Variants in CGN observed in about 807,000 individuals in gnomAD.
CGN encodes the protein cingulin.
In CGN, 121 loss-of-function variants were observed where a neutral mutation model predicts 157.1. The ratio of observed to expected loss-of-function variants is 0.77; its 90% CI spans 0.66 to 0.90. The LOEUF (loss-of-function observed/expected upper bound fraction) is 0.90. Ranked by LOEUF, CGN falls within the 40% of genes least tolerant of loss-of-function variation. The pLI, the probability that CGN is intolerant of heterozygous loss-of-function variation, is 0.00. For missense variants in CGN, 1,424 were observed against 1,520.9 expected (o/e 0.94, Z 1.06); for synonymous variants, 535 against 607.5 (o/e 0.88, Z 1.76).
At chr1:151,527,404 G>A (rs1664707066) in intron 10 of CGN, among the ~76,000 whole-genome samples, 1 of 152,234 alleles carries the variant, frequency 6.6e-6, no homozygotes, top group Non-Finnish European at 1.5e-5. Flanking sequence ...GAAACTCCAG[G>A]ATGATTTTTG....
chr1:151,521,644 G>C (rs960889109), intron 5 of CGN, among the ~76,000 whole-genome samples: 4 of 152,092 alleles, frequency 2.6e-5, no homozygotes, highest in Non-Finnish European at 5.9e-5. Flanking sequence ...TTTGAGACCA[G>C]CCTGACCAAC....
At chr1:151,516,252 T>C (rs1172451103) in intron 1 of CGN, among the ~76,000 whole-genome samples, 1 of 151,750 alleles carries the variant, frequency 6.6e-6, no homozygotes, top group African/African-American at 2.4e-5. Context: ...CATGGGGAGG[T>C]TGAGTTGGGT....
At position 151,530,027 on chromosome 1, in the gene CGN, T is replaced by C. The variant is rs758146300; in HGVS notation, c.2225T>C (p.Leu742Ser). 6.2e-7 allele frequency: 1 copy of C among 1,614,156 alleles called. No homozygotes were observed. The highest frequency in any genetic ancestry group is 1.1e-5 in the South Asian group (1 of 91,080). The change falls in exon 12 of 21, where the codon TTG becomes TCG. Residue 742 changes from leucine (L) to serine (S), a missense_variant. Physicochemically the swap from Leu to Ser is moderately radical, Grantham distance 145. Transcript: ENST00000271636. ...GAATTCCGCCGGCGCATCCTGGGTT[T>C]GGAGCAGCAGCTGAAGGAGACTCGA... ...NDEFRRRILG[L>S]EQQLKETRGL...
At chr1:151,531,025 C>T (rs1664825188) in intron 13 of CGN, among the ~76,000 whole-genome samples, 1 of 152,010 alleles carries the variant, frequency 6.6e-6, no homozygotes, top group South Asian at 2.1e-4. Flanking sequence ...CCTGTAGTCC[C>T]AGCTACTCAG....
Position 151,535,798 on chromosome 1 carries a change from CG to C in CGN, c.3099del (p.Leu1034TrpfsTer70), listed in dbSNP as rs1557994425. ...CTCTCAGAACAAGGACCTGAAGACCCGGTTGGCCAGCTCAGAAGGCTTCCAG... is the reference window on the plus strand; with the variant it reads ...CTCTCAGAACAAGGACCTGAAGACCCGTTGGCCAGCTCAGAAGGCTTCCAG... ...LERQNKDLKTRLASSEGFQKP... is the reference protein window; with the variant it reads ...LERQNKDLKTXLASSEGFQKP... On this transcript the variant is annotated frameshift_variant, in exon 18 of 21. Transcript: ENST00000271636. LOFTEE classifies it high-confidence loss of function. The C allele has an allele frequency of 1.2e-6, 2 of 1,614,090 alleles. No individual in the cohort carries two copies. Among genetic ancestry groups the C allele is most frequent in the Non-Finnish European group, 1.7e-6 (2 of 1,179,994 alleles).
chr1:151,510,200 C>T (rs1190206662), upstream of CGN, among the ~76,000 whole-genome samples: 2 of 151,732 alleles, frequency 1.3e-5, no homozygotes, highest in African/African-American at 4.8e-5. Flanking sequence ...GGTAAGTGGA[C>T]TTTACTCTGT....
At position 151,536,301 on chromosome 1, in the gene CGN, C is replaced by T. The variant is rs1553247204; in HGVS notation, c.3262C>T (p.Gln1088Ter). 2.5e-6 allele frequency: 4 copies of T among 1,612,728 alleles called. No individual in the cohort carries two copies. The highest frequency in any genetic ancestry group is 1.1e-5 in the South Asian group (1 of 91,028). ...GCGGAAAGTTAAAGAACTATCCATC[C>T]AGATTGAAGACGAGCGGCAGCATGT... ...LERKVKELSI[Q>*]IEDERQHVND... Residue 1088 changes from glutamine (Q) to a stop codon, truncating the protein, a stop_gained, in exon 19 of 21, where the codon CAG becomes TAG. Coordinates refer to ENST00000271636, the MANE Select transcript of CGN (RefSeq NM_020770.3). LOFTEE classifies it high-confidence loss of function.
intron 15 of CGN, 161 bp downstream of exon 15, chr1:151,534,297 G>T: frequency 2.8e-6 from 2 of 724,246 alleles, no homozygotes; most frequent in South Asian, 3.8e-5. Context: ...ATTTATAGAG[G>T]TCACCTAAAA....
intron 1 of CGN, among the ~76,000 whole-genome samples, chr1:151,517,114 C>G (rs747807378): frequency 6.6e-6 from 1 of 151,998 alleles, no homozygotes; most frequent in Non-Finnish European, 1.5e-5. Context: ...ACCAAGATCA[C>G]GCCATTGCAC....
chr1:151,520,575 C>A (rs376756743), intron 4 of CGN, 21 bp from the exon 5 acceptor site: 3 of 1,613,680 alleles, frequency 1.9e-6, no homozygotes, highest in Non-Finnish European at 2.5e-6. Flanking sequence ...CCTTCCCCCA[C>A]ACCCCCCATA....
rs1664632329 is a variant in CGN, at chr1:151,524,791, G to A, written c.1519G>A (p.Glu507Lys). The A allele has an allele frequency of 1.2e-6, 2 of 1,612,836 alleles. No homozygotes were observed. The highest frequency in any genetic ancestry group is 1.3e-5 in the African/African-American group (1 of 74,890). Residue 507 changes from glutamate to lysine, a missense_variant, in exon 8 of 21, where the codon GAG becomes AAG. Glu to Lys is a moderately conservative substitution (Grantham distance 56). This residue lies in a region of CGN where 1,187 missense variants were observed against 1,217.6 expected (regional missense o/e 0.97). Coordinates refer to ENST00000271636, the MANE Select transcript of CGN (RefSeq NM_020770.3). The surrounding 1 kb of genome is among the most constrained non-coding windows in gnomAD (Gnocchi z 4.4). ...AGCCCTGAAGGGGGCCCTGAAAGAG[G>A]AGGTAGCCTCCCGTGACCAGGAGGT... ...LTALKGALKE[E>K]VASRDQEVEH...
At position 151,519,086 on chromosome 1, in the gene CGN, TG is replaced by T. The variant is rs1557986376; in HGVS notation, c.569del (p.Gly190GlufsTer68). ...SLINKFDSQL[G>X]GQARGRTGRR... ...TCATCAACAAGTTTGACAGTCAACT[TG>T]GAGGCCAGGCCCGGGGTCGGACTGG... is the stretch of plus-strand genomic sequence containing the variant. On this transcript the variant is annotated frameshift_variant, in exon 2 of 21. Transcript: ENST00000271636. LOFTEE classifies it high-confidence loss of function. The T allele has an allele frequency of 6.2e-7, 1 of 1,614,172 alleles. No homozygotes were observed. Among genetic ancestry groups the T allele is most frequent in the Non-Finnish European group, 8.5e-7 (1 of 1,180,044 alleles).
At chr1:151,532,923 C>T (rs973738036) in intron 14 of CGN, among the ~76,000 whole-genome samples, 8 of 152,096 alleles carry the variant, frequency 5.3e-5, no homozygotes, top group South Asian at 2.1e-4. Context: ...CCAGCCCGGT[C>T]CTTGCCTCTT....
intron 14 of CGN, 38 bp downstream of exon 14, chr1:151,532,610 C>CT: frequency 2.1e-5 from 22 of 1,066,600 alleles, no homozygotes; most frequent in South Asian, 4.6e-5. Flanking sequence ...AGGTCCTTGC[C>CT]TCTTTTTTTT....
chr1:151,536,440 C>A, intron 19 of CGN, 95 bp downstream of exon 19: 1 of 718,244 alleles, frequency 1.4e-6, no homozygotes, highest in Non-Finnish European at 2.5e-6. Context: ...TCCTATAGGT[C>A]CTCCAAACTT....
chr1:151,537,333 C>G lies in CGN; in HGVS notation c.3599C>G (p.Thr1200Ser), dbSNP rs773629961. 6.2e-7 allele frequency: 1 copy of G among 1,613,554 alleles called. No homozygotes were observed. Among genetic ancestry groups the G allele is most frequent in the Non-Finnish European group, 8.5e-7 (1 of 1,179,750 alleles). The change falls in exon 21 of 21, where the codon ACC becomes AGC. Residue 1200 changes from threonine (T) to serine (S), a missense_variant. Coordinates refer to ENST00000271636, the MANE Select transcript of CGN (RefSeq NM_020770.3). ...ASLLTESNLQTSSC is the reference protein window; with the variant it reads ...ASLLTESNLQSSSC ...CTGCTTACGGAGAGCAACCTACAGA[C>G]CAGCTCCTGTTAGCTCGTGGTCCTC...
chr1:151,518,256 A>G (rs902969454), intron 1 of CGN, among the ~76,000 whole-genome samples: 1 of 152,204 alleles, frequency 6.6e-6, no homozygotes, highest in Non-Finnish European at 1.5e-5. Flanking sequence ...CTGGACCAGT[A>G]GCATCAGTAT....
chr1:151,516,368 C>T (rs1454752984), intron 1 of CGN, among the ~76,000 whole-genome samples: 1 of 152,178 alleles, frequency 6.6e-6, no homozygotes, highest in South Asian at 2.1e-4. Context: ...TTTTTATTTG[C>T]TTGGAAGACA....
chr1:151,511,466 GCCCGAGCCCGAGCCCGAA>G lies in CGN; in HGVS notation c.-62_-45del. ...AGCCCGAGCCCGAGCCCGAGCCCGA[GCCCGAGCCCGAGCCCGAA>G]CGCAAGCCTGGGAGCGCGGAGCCCG... On this transcript the variant is annotated 5_prime_UTR_variant, in exon 1 of 21. Coordinates refer to ENST00000271636, the MANE Select transcript of CGN (RefSeq NM_020770.3). This position sits in a 1 kb window ranked among gnomAD's most constrained non-coding sequence, Gnocchi z 4.8. The G allele has an allele frequency of 1.1e-5, 2 of 188,276 alleles. No homozygotes were observed. Among genetic ancestry groups the G allele is most frequent in the Non-Finnish European group, 1.1e-5 (1 of 90,706 alleles). The allele number at this position is 188,276 out of a possible 1,614,324, so 11.7% of individuals were successfully genotyped here.
Sources: allele counts gnomAD v4.1 joint callset (sites outside exome capture counted in the v4.1 genomes callset), GRCh38; gene constraint gnomAD v4.1.1; regional missense constraint gnomAD v4.1.1; non-coding constraint Gnocchi (gnomAD v3.1); transcripts MANE v1.5; gene names NCBI Gene and HGNC (gene_info 2026-07-23, HGNC 2026-07-21).